Variants in OTOA observed in about 807,000 individuals in gnomAD.
The protein encoded by OTOA is otoancorin.
OTOA carries 70 observed loss-of-function variants against 110.8 expected under a neutral mutation model. The observed-to-expected ratio is 0.63, with a 90% CI of 0.52 to 0.77. The LOEUF (loss-of-function observed/expected upper bound fraction) is 0.77. Among genes scored for constraint, OTOA ranks in the 30% least tolerant of loss-of-function variants. OTOA has a pLI of 0.00. For missense variants in OTOA, 917 were observed against 1,075.8 expected (o/e 0.85, Z 2.06); for synonymous variants, 373 against 431.5 (o/e 0.86, Z 1.68).
At chr16:21,679,257 A>T in intron 5 of OTOA, 46 bp downstream of exon 5, 1 of 1,587,298 alleles carries the variant, frequency 6.3e-7, no homozygotes, top group Non-Finnish European at 8.6e-7. Context: ...TAGATTTTTA[A>T]TAAAAATTCT....
chr16:21,726,780 GTCTTGAAGCTTAC>G, intron 19 of OTOA, 122 bp downstream of exon 19: 1 of 1,371,314 alleles, frequency 7.3e-7, no homozygotes, highest in Non-Finnish European at 1.0e-6. Context: ...TGACTGGTGG[GTCTTGAAGCTTAC>G]TCTAAAGTTG....
At chr16:21,721,137 A>G (rs1475133215) in intron 17 of OTOA, among the ~76,000 whole-genome samples, 1 of 149,226 alleles carries the variant, frequency 6.7e-6, no homozygotes, top group Non-Finnish European at 1.5e-5. Flanking sequence ...CTGGTCTTGA[A>G]CTCCTGACCT....
At chr16:21,684,438 A>G in intron 6 of OTOA, 3 of 1,536,792 alleles carry the variant, frequency 2.0e-6, no homozygotes, top group Non-Finnish European at 1.8e-6. Flanking sequence ...TTTCGCCTGT[A>G]TTTTGCTCCT....
At chr16:21,726,491 TTCC>T in intron 18 of OTOA, 29 bp from the exon 19 acceptor site, 2 of 1,612,438 alleles carry the variant, frequency 1.2e-6, no homozygotes, top group Non-Finnish European at 1.7e-6. Context: ...CAGCCATGTG[TTCC>T]TCCTCTTGTT....
Position 21,700,937 on chromosome 16 carries a change from T to C in OTOA, c.890T>C (p.Val297Ala). The C allele has an allele frequency of 6.2e-7, 1 of 1,613,936 alleles. No homozygotes were observed. The highest frequency in any genetic ancestry group is 8.5e-7 in the Non-Finnish European group (1 of 1,179,986). ...AACGCCACCAAGCAGCTGGACATGGTCTATGACATCACACCTGAGCTGGCC... is the reference window on the plus strand; with the variant it reads ...AACGCCACCAAGCAGCTGGACATGGCCTATGACATCACACCTGAGCTGGCC... ...YDNATKQLDM[V>A]YDITPELAQA... The change falls in exon 11 of 29, where the codon GTC becomes GCC. Residue 297 changes from valine (V) to alanine (A), a missense_variant. By Grantham distance (64) the Val-to-Ala change is moderately conservative. This residue lies in a region of OTOA where 840 missense variants were observed against 910.2 expected (regional missense o/e 0.92). Coordinates refer to ENST00000646100, the MANE Select transcript of OTOA (RefSeq NM_144672.4).
chr16:21,674,766 T>C (rs537894126), intron 1 of OTOA, among the ~76,000 whole-genome samples: 8 of 152,020 alleles, frequency 5.3e-5, no homozygotes, highest in African/African-American at 1.9e-4. Flanking sequence ...TCTGTATATA[T>C]ACTTTGATGA....
intron 1 of OTOA, among the ~76,000 whole-genome samples, chr16:21,674,184 A>G (rs1395410091): frequency 6.6e-6 from 1 of 152,204 alleles, no homozygotes; most frequent in East Asian, 1.9e-4. Flanking sequence ...CGTTAAGTAC[A>G]CATTTAATTT....
At chr16:21,670,505 C>T (rs1966847598) in intron 1 of OTOA, among the ~76,000 whole-genome samples, 1 of 152,048 alleles carries the variant, frequency 6.6e-6, no homozygotes, top group Non-Finnish European at 1.5e-5. Context: ...TCTTTGGCTC[C>T]TTTTTCCTAC....
At chr16:21,685,473 C>G (rs112765092) in intron 7 of OTOA, 112 bp downstream of exon 7, 1 of 1,463,198 alleles carries the variant, frequency 6.8e-7, no homozygotes, top group African/African-American at 1.4e-5. Context: ...GTCTCTTCCT[C>G]TCTCCTTCTG....
At chr16:21,752,324 G>A (rs1212600101) in intron 25 of OTOA, 45 bp from the exon 26 acceptor site, 2 of 707,226 alleles carry the variant, frequency 2.8e-6, no homozygotes, top group Admixed American at 4.2e-5. Flanking sequence ...TTTGGCTGAA[G>A]AGTCCAAGCT....
At chr16:21,739,002 C>T (rs1899447304) in intron 22 of OTOA, among the ~76,000 whole-genome samples, 1 of 152,302 alleles carries the variant, frequency 6.6e-6, no homozygotes, top group Non-Finnish European at 1.5e-5. Context: ...TATTGCAGAG[C>T]TCTTACTGTG....
intron 6 of OTOA, 35 bp from the exon 7 acceptor site, chr16:21,685,195 T>G (rs202231788): frequency 4.1e-4 from 657 of 1,608,142 alleles, no homozygotes; most frequent in Non-Finnish European, 5.4e-4. Context: ...CTGCTCTTTC[T>G]GTTCTCACCG....
chr16:21,749,580 C>T (rs1899758133), intron 24 of OTOA, among the ~76,000 whole-genome samples: 2 of 147,750 alleles, frequency 1.4e-5, no homozygotes, highest in Non-Finnish European at 1.5e-5. Flanking sequence ...TGACTATAGC[C>T]TGTGATTTTC....
chr16:21,713,403 G>A (rs925972895), intron 13 of OTOA, among the ~76,000 whole-genome samples: 1 of 152,194 alleles, frequency 6.6e-6, no homozygotes, highest in African/African-American at 2.4e-5. Flanking sequence ...AGGGAGGGAT[G>A]AAGGGCAGCT....
rs1203597096 is a variant in OTOA at position 21,691,687 on chromosome 16, G to A, written c.739G>A (p.Asp247Asn). 6.2e-7 allele frequency: 1 copy of A among 1,612,304 alleles called. No individual in the cohort carries two copies. The highest frequency in any genetic ancestry group is 8.5e-7 in the Non-Finnish European group (1 of 1,178,660). Residue 247 changes from aspartate (D) to asparagine (N), a missense_variant and splice_region_variant, in exon 9 of 29, where the codon GAT becomes AAT. Around this residue, in one of 6 missense-constraint regions of OTOA, gnomAD observed 840 missense variants for 910.2 expected, o/e 0.92. Transcript: ENST00000646100. ...ACTGCAGACATCCTCCAATGCCACT[G>A]GTGAGCCTGTACTTGGAGGTGGGGT... Reference protein sequence around the residue: ...GILQTSSNATDDSASWVSAEH... With the variant: ...GILQTSSNATNDSASWVSAEH...
intron 5 of OTOA, among the ~76,000 whole-genome samples, chr16:21,680,288 C>A (rs991772433): frequency 6.6e-6 from 1 of 152,008 alleles, no homozygotes; most frequent in Non-Finnish European, 1.5e-5. Context: ...CCAAGGTGGG[C>A]GGATCATGAA....
chr16:21,685,963 C>G (rs1003734066), intron 7 of OTOA, among the ~76,000 whole-genome samples: 1 of 152,092 alleles, frequency 6.6e-6, no homozygotes, highest in Non-Finnish European at 1.5e-5. Context: ...TACTATGCAC[C>G]AGTGGACACA....
chr16:21,668,400 C>A (rs1966844730), intron 1 of OTOA, among the ~76,000 whole-genome samples: 1 of 151,678 alleles, frequency 6.6e-6, no homozygotes, highest in African/African-American at 2.4e-5. Context: ...AGCCACTGTG[C>A]CTGGCCTAAT....
At chr16:21,716,834 G>A in intron 14 of OTOA, 73 bp from the exon 15 acceptor site, 2 of 1,576,028 alleles carry the variant, frequency 1.3e-6, no homozygotes, top group Non-Finnish European at 1.7e-6. Flanking sequence ...TGCCTGTGAT[G>A]TAGTGCCTGG....
Sources: gnomAD v4.1 joint callset for allele counts (sites outside exome capture counted in the v4.1 genomes callset) on GRCh38, gnomAD v4.1.1 for gene constraint, gnomAD v4.1.1 regional missense constraint, MANE v1.5 for transcripts, NCBI Gene and HGNC (gene_info 2026-07-23, HGNC 2026-07-21) for gene names.